MEI4: variants seen among roughly 807,000 people sequenced by gnomAD.
MEI4 encodes the protein meiosis-specific protein MEI4.
A neutral mutation model predicts 31.4 loss-of-function variants in MEI4; 27 were observed. That is an observed-to-expected ratio of 0.86 (90% confidence interval 0.63 to 1.19). The LOEUF (loss-of-function observed/expected upper bound fraction) is 1.19. Among genes scored for constraint, MEI4 ranks in the 50% most tolerant of loss-of-function variants. The pLI is 0.00. For missense variants in MEI4, 329 were observed against 398.9 expected (o/e 0.82, Z 1.49); for synonymous variants, 122 against 145.4 (o/e 0.84, Z 1.16).
At position 77,756,679 on chromosome 6, in the gene MEI4, G is replaced by A. The variant is rs190561577; in HGVS notation, c.233-4451G>A. Reference sequence around the variant, plus strand: ...TGTATTCCTCTCTCTCCCCCCCGCCGCCTTCTCCTTCTCTCTATTTCTATT... The same window carrying A: ...TGTATTCCTCTCTCTCCCCCCCGCCACCTTCTCCTTCTCTCTATTTCTATT... On this transcript the variant is annotated intron_variant, in intron 2 of 4. Transcript: ENST00000684080. Among the ~76,000 whole-genome samples, 231 of 133,414 alleles carry A rather than the reference G, an allele frequency of 1.7e-3. 1 individual carries two copies. The highest frequency in any genetic ancestry group is 5.3e-3 in the African/African-American group (185 of 34,982). The allele number at this position is 133,414 out of a possible 152,430, so 87.5% of individuals were successfully genotyped here. A position where few individuals can be genotyped will look rare whatever the true frequency, so the allele number is the denominator to read the frequency against.
chr6:77,704,988 G>A (rs893051830), intron 2 of MEI4, among the ~76,000 whole-genome samples: 5 of 152,012 alleles, frequency 3.3e-5, no homozygotes, highest in Middle Eastern at 3.2e-3. Context: ...ACCAACAACA[G>A]CAACAAAATA....
At chr6:77,795,798 C>A (rs1278653446) in intron 3 of MEI4, among the ~76,000 whole-genome samples, 8 of 150,984 alleles carry the variant, frequency 5.3e-5, no homozygotes, top group Admixed American at 5.3e-4. Context: ...AATAAAAACC[C>A]AGGACCAGAT....
intron 1 of MEI4, among the ~76,000 whole-genome samples, chr6:77,679,002 G>T (rs1461693463): frequency 6.6e-6 from 1 of 151,868 alleles, no homozygotes; most frequent in African/African-American, 2.4e-5. Context: ...AGGACATAAA[G>T]AAAAAATGTA....
At chr6:77,921,515 C>T (rs1284134928) in intron 4 of MEI4, among the ~76,000 whole-genome samples, 3 of 151,794 alleles carry the variant, frequency 2.0e-5, no homozygotes, top group African/African-American at 7.2e-5. Context: ...GAGAACTTTA[C>T]TTTTAATTTC....
intron 4 of MEI4, among the ~76,000 whole-genome samples, chr6:77,906,152 A>C (rs879362806): frequency 1.3e-5 from 2 of 152,038 alleles, no homozygotes; most frequent in Non-Finnish European, 2.9e-5. Context: ...AATTATTTTT[A>C]ATTATTTCTC....
intron 4 of MEI4, among the ~76,000 whole-genome samples, chr6:77,916,046 T>C (rs1334143141): frequency 2.0e-5 from 3 of 152,062 alleles, no homozygotes. Context: ...ACCTAGTTGA[T>C]TGAAGCTTTC....
In MEI4 at chr6:77,653,112, T is replaced by C. The variant is rs1042356866; in HGVS notation, c.-15+20T>C. ...TTACTGGTGAGCTGGTTCTCCACTC[T>C]TGAGCACTTGAAATGTATTTTGCCA... On this transcript the variant is annotated intron_variant, in intron 1 of 4. Coordinates refer to ENST00000684080, the MANE Select transcript of MEI4 (RefSeq NM_001322247.2). 8.5e-5 allele frequency among the ~76,000 whole-genome samples: 13 copies of C among 152,204 alleles called. No homozygotes were observed. Among genetic ancestry groups the C allele is most frequent in the African/African-American group, 3.1e-4 (13 of 41,456 alleles).
At chr6:77,692,748 T>C (rs2127652831) in intron 2 of MEI4, among the ~76,000 whole-genome samples, 1 of 152,154 alleles carries the variant, frequency 6.6e-6, no homozygotes, top group Middle Eastern at 3.4e-3. Flanking sequence ...TCAATTCAGA[T>C]GGTGAACACA....
chr6:77,843,648 T>A (rs2127715689), intron 4 of MEI4, among the ~76,000 whole-genome samples: 1 of 152,120 alleles, frequency 6.6e-6, no homozygotes, highest in African/African-American at 2.4e-5. Context: ...AGGATGATAA[T>A]CACTAAAAGC....
At position 77,916,343 on chromosome 6, in the gene MEI4, G is replaced by A. The variant is rs555277434; in HGVS notation, c.901-6746G>A. 6.6e-5 allele frequency among the ~76,000 whole-genome samples: 10 copies of A among 152,028 alleles called. No homozygotes were observed. In the South Asian group the frequency reaches 2.1e-3, roughly 32 times the overall value. On this transcript the variant is annotated intron_variant, in intron 4 of 4. Coordinates refer to ENST00000684080, the MANE Select transcript of MEI4 (RefSeq NM_001322247.2). ...TTTTATCATGTATCTTGTGTCCTTA[G>A]TTTGATATCTGAACATCTGGTATAT...
At chr6:77,734,859 G>C (rs1035231209) in intron 2 of MEI4, among the ~76,000 whole-genome samples, 13 of 151,896 alleles carry the variant, frequency 8.6e-5, no homozygotes, top group Admixed American at 2.6e-4. Context: ...GCATTTGCTT[G>C]TCTGTAAAGG....
intron 2 of MEI4, among the ~76,000 whole-genome samples, chr6:77,698,201 G>T (rs547456262): frequency 6.6e-6 from 1 of 152,026 alleles, no homozygotes; most frequent in Non-Finnish European, 1.5e-5. Flanking sequence ...GCACACTGAT[G>T]GGTCTTGACT....
intron 4 of MEI4, among the ~76,000 whole-genome samples, chr6:77,909,979 G>A (rs1474140256): frequency 6.6e-6 from 1 of 152,126 alleles, no homozygotes; most frequent in East Asian, 1.9e-4. Context: ...CTCAATAGAT[G>A]CAGAAAAGGC....
At chr6:77,788,603 C>T (rs557336983) in intron 3 of MEI4, among the ~76,000 whole-genome samples, 17 of 152,000 alleles carry the variant, frequency 1.1e-4, no homozygotes, top group African/African-American at 3.4e-4. Context: ...TTCTTATACA[C>T]CAAGAACAGA....
intron 2 of MEI4, among the ~76,000 whole-genome samples, chr6:77,727,038 T>TA (rs1364279093): frequency 1.3e-5 from 2 of 152,182 alleles, no homozygotes; most frequent in African/African-American, 4.8e-5. Context: ...AGCCAACAAT[T>TA]ACAATTTTTT....
At chr6:77,677,208 A>G (rs1156573638) in intron 1 of MEI4, among the ~76,000 whole-genome samples, 1 of 152,206 alleles carries the variant, frequency 6.6e-6, no homozygotes, top group Admixed American at 6.5e-5. Context: ...CTACTGCAAA[A>G]GTAAATTTGG....
At chr6:77,687,441 C>A (rs1769078636) in intron 1 of MEI4, among the ~76,000 whole-genome samples, 1 of 152,078 alleles carries the variant, frequency 6.6e-6, no homozygotes, top group Non-Finnish European at 1.5e-5. Context: ...AGTTCTGATT[C>A]TCTGGGCACG....
chr6:77,698,753 T>G (rs1440161904), intron 2 of MEI4, among the ~76,000 whole-genome samples: 1 of 152,180 alleles, frequency 6.6e-6, no homozygotes, highest in Non-Finnish European at 1.5e-5. Context: ...GTCTTGGAGT[T>G]GCTCTTCTCA....
intron 2 of MEI4, among the ~76,000 whole-genome samples, chr6:77,738,771 A>G (rs1767320063): frequency 6.6e-6 from 1 of 152,084 alleles, no homozygotes; most frequent in Non-Finnish European, 1.5e-5. Flanking sequence ...CCTGACTTTA[A>G]CCATCTCCAT....
Sources: gnomAD v4.1 joint callset for allele counts (sites outside exome capture counted in the v4.1 genomes callset) on GRCh38, gnomAD v4.1.1 for gene constraint, MANE v1.5 for transcripts, NCBI Gene and HGNC (gene_info 2026-07-23, HGNC 2026-07-21) for gene names.